CCDC178: variants seen among roughly 807,000 people sequenced by gnomAD.
The protein encoded by CCDC178 is coiled-coil domain-containing protein 178.
In CCDC178, 126 loss-of-function variants were observed where a neutral mutation model predicts 117.4. That is an observed-to-expected ratio of 1.07 (90% CI 0.93 to 1.24). The LOEUF (loss-of-function observed/expected upper bound fraction) is 1.24, where lower values mean the gene tolerates loss of function less well. Among genes scored for constraint, CCDC178 ranks in the 50% most tolerant of loss-of-function variants. The pLI is 0.00. For synonymous variants in CCDC178, 283 were observed against 313.4 expected, an observed-to-expected ratio of 0.90 and a Z score of 1.02; for missense variants, 1,030 against 986.9, an observed-to-expected ratio of 1.04 and a Z score of -0.59.
At chr18:33,330,721 A>G (rs1325265538) in intron 10 of CCDC178, among the ~76,000 whole-genome samples, 1 of 152,034 alleles carries the variant, frequency 6.6e-6, no homozygotes, top group African/African-American at 2.4e-5. Flanking sequence ...CAGGCTAAAG[A>G]CCCAGGGAAA....
chr18:33,349,837 T>A (rs2062948298), intron 7 of CCDC178, among the ~76,000 whole-genome samples: 1 of 151,874 alleles, frequency 6.6e-6, no homozygotes, highest in South Asian at 2.1e-4. Context: ...TAGAATAGTC[T>A]AATGATATTT....
chr18:33,348,629 C>A, intron 8 of CCDC178, among the ~76,000 whole-genome samples: 1 of 151,886 alleles, frequency 6.6e-6, no homozygotes, highest in East Asian at 1.9e-4. Context: ...CAACACTAAA[C>A]TACAAATAGC....
At chr18:33,379,113 CCATATATATATAATAT>C (rs1233947568) in intron 5 of CCDC178, among the ~76,000 whole-genome samples, 2 of 5,894 alleles carry the variant, frequency 3.4e-4, no homozygotes, top group African/African-American at 3.7e-4. Flanking sequence ...ATATATATTT[CCATATATATATAATAT>C]ATATATTTCC....
intron 5 of CCDC178, among the ~76,000 whole-genome samples, chr18:33,386,454 A>G (rs2063493816): frequency 6.6e-6 from 1 of 152,204 alleles, no homozygotes; most frequent in Admixed American, 6.5e-5. Flanking sequence ...GCCCTAATGA[A>G]CATCTATGCA....
chr18:33,029,962 GTATTC>G, intron 21 of CCDC178, among the ~76,000 whole-genome samples: 1 of 152,050 alleles, frequency 6.6e-6, no homozygotes, highest in South Asian at 2.1e-4. Flanking sequence ...TTTGGATGGA[GTATTC>G]TATATATTGC....
At chr18:33,420,032 T>C (rs2064002799) in intron 2 of CCDC178, among the ~76,000 whole-genome samples, 1 of 151,854 alleles carries the variant, frequency 6.6e-6, no homozygotes, top group Non-Finnish European at 1.5e-5. Context: ...AGCAAAAACA[T>C]GGAATCATCC....
intron 20 of CCDC178, among the ~76,000 whole-genome samples, chr18:33,201,981 G>T (rs1445422691): frequency 1.3e-5 from 2 of 152,028 alleles, no homozygotes; most frequent in Admixed American, 6.5e-5. Flanking sequence ...GTTTTTATGT[G>T]TTCCCCTGGT....
chr18:33,127,695 A>T (rs757152007), intron 20 of CCDC178, among the ~76,000 whole-genome samples: 1 of 152,076 alleles, frequency 6.6e-6, no homozygotes, highest in Non-Finnish European at 1.5e-5. Flanking sequence ...CGGCCTCTCA[A>T]AGTGCTGGGA....
At chr18:33,248,196 T>C (rs1276813618) in intron 14 of CCDC178, among the ~76,000 whole-genome samples, 6 of 151,906 alleles carry the variant, frequency 3.9e-5, no homozygotes, top group African/African-American at 1.2e-4. Flanking sequence ...GTTCCATACA[T>C]TGCCAAATTA....
chr18:33,074,068 C>T (rs552801829), intron 21 of CCDC178, among the ~76,000 whole-genome samples: 12 of 152,116 alleles, frequency 7.9e-5, no homozygotes, highest in African/African-American at 2.9e-4. Context: ...TGAGAGTAAT[C>T]TGAATGAGGA....
intron 5 of CCDC178, among the ~76,000 whole-genome samples, chr18:33,389,150 A>G (rs1210111803): frequency 6.6e-6 from 1 of 152,180 alleles, no homozygotes; most frequent in African/African-American, 2.4e-5. Flanking sequence ...TTAAAATAAA[A>G]TAAAATAAAA....
At chr18:33,069,358 A>G (rs1240599959) in intron 21 of CCDC178, among the ~76,000 whole-genome samples, 3 of 152,092 alleles carry the variant, frequency 2.0e-5, no homozygotes, top group Admixed American at 6.5e-5. Flanking sequence ...AGAATAGAAA[A>G]ACCAGGAATA....
At chr18:33,348,832 A>G in intron 8 of CCDC178, 58 bp downstream of exon 8, 1 of 1,029,668 alleles carries the variant, frequency 9.7e-7, no homozygotes, top group Non-Finnish European at 1.5e-6. Flanking sequence ...AATATATTAA[A>G]TGAAGTCAAT....
chr18:33,364,580 C>A (rs137939429), intron 6 of CCDC178, among the ~76,000 whole-genome samples: 83 of 151,938 alleles, frequency 5.5e-4, no homozygotes, highest in African/African-American at 1.9e-3. Flanking sequence ...AGAGAAGACA[C>A]AACTGACGGA....
intron 21 of CCDC178, among the ~76,000 whole-genome samples, chr18:33,038,459 T>C (rs2056485824): frequency 6.6e-6 from 1 of 152,004 alleles, no homozygotes; most frequent in Non-Finnish European, 1.5e-5. Flanking sequence ...GTGAATTAGA[T>C]ATACTTGTAT....
At chr18:33,384,272 C>G (rs1295795145) in intron 5 of CCDC178, among the ~76,000 whole-genome samples, 1 of 152,094 alleles carries the variant, frequency 6.6e-6, no homozygotes, top group Non-Finnish European at 1.5e-5. Context: ...AGAATGGAAC[C>G]AAGTTGGAAA....
At chr18:33,258,459 C>G (rs979810226) in intron 14 of CCDC178, among the ~76,000 whole-genome samples, 4 of 152,154 alleles carry the variant, frequency 2.6e-5, no homozygotes, top group African/African-American at 9.6e-5. Context: ...AGAGGTGACA[C>G]CGAATATTCT....
chr18:33,092,833 T>G lies in CCDC178; in HGVS notation c.2316A>C (p.Lys772Asn). The G allele has an allele frequency of 6.3e-7, 1 of 1,578,044 alleles. No homozygotes were observed. The highest frequency in any genetic ancestry group is 8.7e-7 in the Non-Finnish European group (1 of 1,155,292). ...EYQQLQITFL[K>N]EKDNYFNIYD... ...ATATATTGAAATAATTGTCCTTTTC[T>G]TTTAAGAATGTAATCTGTAGCTGTT... Residue 772 changes from lysine (K) to asparagine (N), a missense_variant, in exon 21 of 23, where the codon AAA becomes AAC. Physicochemically the swap from Lys to Asn is moderately conservative, Grantham distance 94 (BLOSUM62 0). Coordinates refer to ENST00000383096, the MANE Select transcript of CCDC178 (RefSeq NM_001105528.4).
intron 21 of CCDC178, among the ~76,000 whole-genome samples, chr18:33,024,526 A>C (rs754708946): frequency 2.8e-4 from 43 of 152,190 alleles, no homozygotes; most frequent in Non-Finnish European, 5.3e-4. Context: ...TCTACCTCCA[A>C]ATATACTCTC....
Sources: gnomAD v4.1 joint callset for allele counts (sites outside exome capture counted in the v4.1 genomes callset) on GRCh38, gnomAD v4.1.1 for gene constraint, MANE v1.5 for transcripts, NCBI Gene and HGNC (gene_info 2026-07-23, HGNC 2026-07-21) for gene names.